CLCA1: variants seen among roughly 807,000 people sequenced by gnomAD.
CLCA1 encodes the protein chloride channel accessory 1.
In CLCA1, 59 loss-of-function variants were observed where a neutral mutation model predicts 85.6. The observed-to-expected ratio is 0.69, with a 90% confidence interval of 0.56 to 0.86. The LOEUF is 0.86. CLCA1 is among the 40% of genes least tolerant of loss of function. The probability of loss-of-function intolerance (pLI) is 0.00; values close to 1 mark genes in which losing one functional copy is unlikely to be tolerated. For synonymous variants in CLCA1, 396 were observed against 398.3 expected, an observed-to-expected ratio of 0.99 and a Z score of 0.07; for missense variants, 1,022 against 1,101.4, an observed-to-expected ratio of 0.93 and a Z score of 1.02.
rs1329528031 is a variant in CLCA1 at position 86,500,091 on chromosome 1, T to A, written c.*46T>A. 2 of 1,368,496 alleles carry A rather than the reference T, an allele frequency of 1.5e-6. No homozygotes were observed. Among genetic ancestry groups the A allele is most frequent in the Non-Finnish European group, 2.0e-6 (2 of 993,110 alleles). The allele number at this position is 1,368,496 out of a possible 1,614,324, so 84.8% of individuals were successfully genotyped here. On this transcript the variant is annotated 3_prime_UTR_variant, in exon 14 of 14. Coordinates refer to ENST00000394711, the MANE Select transcript of CLCA1 (RefSeq NM_001285.4). ...AATAAAATAAATCATTCATCCTTTT[T>A]TTTGATTATAAAATTTTCTAAAATG... is the stretch of plus-strand genomic sequence containing the variant.
Position 86,486,743 on chromosome 1 carries a change from C to A in CLCA1, c.1172C>A (p.Ser391Ter), listed in dbSNP as rs772377825. Residue 391 changes from serine (S) to a stop codon, truncating the protein, a stop_gained, in exon 7 of 14, where the codon TCG (serine) becomes TAG (stop). Coordinates refer to ENST00000394711, the MANE Select transcript of CLCA1 (RefSeq NM_001285.4). LOFTEE classifies it high-confidence loss of function. ...ACGTCCATCTGCAGCGGGCTTCGAT[C>A]GGCATTTACTGTGAGATGTGTTTTT... ...GGTSICSGLRSAFTVIRKKYP... is the reference protein window; with the variant it reads ...GGTSICSGLR The A allele has an allele frequency of 1.9e-6, 3 of 1,613,840 alleles. No individual in the cohort carries two copies. The highest frequency in any genetic ancestry group is 1.3e-5 in the African/African-American group (1 of 74,916).
chr1:86,479,809 C>T (rs1054795552), intron 4 of CLCA1, among the ~76,000 whole-genome samples: 3 of 151,982 alleles, frequency 2.0e-5, no homozygotes, highest in East Asian at 1.9e-4. Flanking sequence ...GGCATGAACC[C>T]GGGAGGCGGA....
intron 7 of CLCA1, 33 bp from the exon 8 acceptor site, chr1:86,488,963 T>G: frequency 6.3e-7 from 1 of 1,592,798 alleles, no homozygotes; most frequent in African/African-American, 1.3e-5. Context: ...CCACCCTAAG[T>G]CTGATAACTC....
intron 1 of CLCA1, among the ~76,000 whole-genome samples, chr1:86,469,788 TA>T (rs1647447662): frequency 6.6e-6 from 1 of 152,148 alleles, no homozygotes; most frequent in African/African-American, 2.4e-5. Flanking sequence ...AAATGCTTTA[TA>T]AAAGACCGCC....
At chr1:86,495,851 G>T (rs946485046) in intron 12 of CLCA1, among the ~76,000 whole-genome samples, 176 bp downstream of exon 12, 1 of 152,162 alleles carries the variant, frequency 6.6e-6, no homozygotes, top group South Asian at 2.1e-4. Context: ...GCACATTGTG[G>T]CATGTTTAGC....
In CLCA1 at chr1:86,469,205, C is replaced by T. The variant is rs1026767826; in HGVS notation, c.162+72C>T. The T allele has an allele frequency of 1.3e-5, 14 of 1,061,338 alleles. No homozygotes were observed. In the African/African-American group the frequency reaches 2.2e-4, roughly 17 times the overall value. 65.7% of individuals were successfully genotyped at this position (1,061,338 alleles called of 1,614,324 possible). A position where few individuals can be genotyped will look rare whatever the true frequency, so the allele number is the denominator to read the frequency against. ...TTGTGATAGAGAGAACATGAGTGCC[C>T]TATTCCAGCTGCACGACACTGGCAT... On this transcript the variant is annotated intron_variant, in intron 1 of 13. Coordinates refer to ENST00000394711, the MANE Select transcript of CLCA1 (RefSeq NM_001285.4).
At chr1:86,481,198 G>A (rs902963108) in intron 4 of CLCA1, among the ~76,000 whole-genome samples, 25 of 151,726 alleles carry the variant, frequency 1.6e-4, no homozygotes, top group Admixed American at 7.9e-4. Flanking sequence ...GTGCAGTGGC[G>A]CGATCTCAGC....
intron 9 of CLCA1, among the ~76,000 whole-genome samples, chr1:86,492,541 C>G (rs1469647902): frequency 6.6e-6 from 1 of 152,212 alleles, no homozygotes; most frequent in African/African-American, 2.4e-5. Context: ...TGTGATCTAC[C>G]TGTGAAACTA....
rs1413850888 is a variant in CLCA1, at chr1:86,499,703, C to A, written c.2403C>A (p.Asp801Glu). 1.2e-6 allele frequency: 2 copies of A among 1,602,762 alleles called. No homozygotes were observed. Among genetic ancestry groups the A allele is most frequent in the East Asian group, 2.2e-5 (1 of 44,826 alleles). ...RISTSILDLRDKFNESLQVNT... is the reference protein window; with the variant it reads ...RISTSILDLREKFNESLQVNT... ...GTACAAGTATTCTTGATCTCAGAGA[C>A]AAGTTCAATGAATCTCTTCAAGTGA... Residue 801 changes from aspartate to glutamate, a missense_variant, in exon 14 of 14, where the codon GAC becomes GAA. Transcript: ENST00000394711.
At chr1:86,489,598 A>G (rs1409606073) in intron 8 of CLCA1, among the ~76,000 whole-genome samples, 1 of 152,230 alleles carries the variant, frequency 6.6e-6, no homozygotes, top group Admixed American at 6.5e-5. Flanking sequence ...AGCATTCAAG[A>G]AACAGGAGAA....
At chr1:86,490,079 A>C (rs543353172) in intron 8 of CLCA1, among the ~76,000 whole-genome samples, 1 of 152,350 alleles carries the variant, frequency 6.6e-6, no homozygotes. Context: ...TGGAAAGTAC[A>C]TCACAGACTT....
chr1:86,494,277 A>T lies in CLCA1; in HGVS notation c.1771A>T (p.Ile591Phe), dbSNP rs1465931411. 2 of 1,614,074 alleles carry T rather than the reference A, an allele frequency of 1.2e-6. No homozygotes were observed. Among genetic ancestry groups the T allele is most frequent in the Non-Finnish European group, 1.7e-6 (2 of 1,180,034 alleles). The change falls in exon 11 of 14, where the codon ATT (isoleucine) becomes TTT (phenylalanine). Residue 591 changes from isoleucine (I) to phenylalanine (F), a missense_variant. Physicochemically the swap from Ile to Phe is conservative, Grantham distance 21. Coordinates refer to ENST00000394711, the MANE Select transcript of CLCA1 (RefSeq NM_001285.4). ...SRASNATLPPITVTSKTNKDT... is the reference protein window; with the variant it reads ...SRASNATLPPFTVTSKTNKDT... ...TGCGTCCAATGCTACCCTGCCTCCA[A>T]TTACAGTGACTTCCAAAACGAACAA...
chr1:86,481,652 G>A (rs779583369), intron 4 of CLCA1, among the ~76,000 whole-genome samples: 4 of 151,524 alleles, frequency 2.6e-5, no homozygotes, highest in Admixed American at 1.3e-4. Context: ...TTTCTATACC[G>A]GTCATGCATG....
Position 86,500,168 on chromosome 1 carries a change from A to AG in CLCA1, c.*123_*124insG. ...TATACTAAATGTATATAGTACATTTATACTAAATGTATTCCTGTAGGGGGC... is the reference window on the plus strand; with the variant it reads ...TATACTAAATGTATATAGTACATTTAGTACTAAATGTATTCCTGTAGGGGGC... On this transcript the variant is annotated 3_prime_UTR_variant, in exon 14 of 14. Coordinates refer to ENST00000394711, the MANE Select transcript of CLCA1 (RefSeq NM_001285.4). 1 of 623,284 alleles carries AG rather than the reference A, an allele frequency of 1.6e-6. No homozygotes were observed. Among genetic ancestry groups the AG allele is most frequent in the Non-Finnish European group, 2.8e-6 (1 of 355,870 alleles). 38.6% of individuals were successfully genotyped at this position (623,284 alleles called of 1,614,324 possible). A position where few individuals can be genotyped will look rare whatever the true frequency, so the allele number is the denominator to read the frequency against.
chr1:86,495,196 CAGTTTAATTT>C (rs1186044879), intron 11 of CLCA1, among the ~76,000 whole-genome samples: 6 of 152,086 alleles, frequency 3.9e-5, no homozygotes, highest in Admixed American at 6.5e-5. Context: ...TTGCATATAG[CAGTTTAATTT>C]AGTTCAACAG....
At chr1:86,469,197 T>C in intron 1 of CLCA1, 64 bp downstream of exon 1, 3 of 1,200,938 alleles carry the variant, frequency 2.5e-6, no homozygotes, top group Non-Finnish European at 3.5e-6. Flanking sequence ...AGAGAGAACA[T>C]GAGTGCCCTA....
At position 86,489,888 on chromosome 1, in the gene CLCA1, T is replaced by C. The variant is rs920202499; in HGVS notation, c.1357+718T>C. Among the ~76,000 whole-genome samples, 6 of 152,352 alleles carry C rather than the reference T, an allele frequency of 3.9e-5. No homozygotes were observed. The South Asian group carries it at 6.2e-4, about 16-fold the overall frequency. Reference sequence around the variant, plus strand: ...TGCCAGAGCTGTTTATTCCTAATACTACCTGTCCTAGGCTGGGTTTCTTAG... The same window carrying C: ...TGCCAGAGCTGTTTATTCCTAATACCACCTGTCCTAGGCTGGGTTTCTTAG... On this transcript the variant is annotated intron_variant, in intron 8 of 13. Coordinates refer to ENST00000394711, the MANE Select transcript of CLCA1 (RefSeq NM_001285.4).
chr1:86,474,111 C>T (rs1177985575), intron 3 of CLCA1, among the ~76,000 whole-genome samples: 2 of 151,980 alleles, frequency 1.3e-5, no homozygotes, highest in Non-Finnish European at 2.9e-5. Context: ...TTTGAATTCT[C>T]GTAAATTATT....
rs1170768037 is a variant in CLCA1, at chr1:86,473,753, ACTC to A, written c.333_335del (p.Pro112del). On this transcript the variant is annotated inframe_deletion, in exon 3 of 14. Coordinates refer to ENST00000394711, the MANE Select transcript of CLCA1 (RefSeq NM_001285.4). ...GGCTGATGTTCTGGTTGCTGAGTCTACTCCTCCAGGTAATGATGAACCCTACAC... is the reference window on the plus strand; with the variant it reads ...GGCTGATGTTCTGGTTGCTGAGTCTACTCCAGGTAATGATGAACCCTACAC... 4 of 1,587,904 alleles carry A rather than the reference ACTC, an allele frequency of 2.5e-6. No homozygotes were observed. The highest frequency in any genetic ancestry group is 1.1e-5 in the South Asian group (1 of 87,074).
Sources: gnomAD v4.1 joint callset for allele counts (sites outside exome capture counted in the v4.1 genomes callset) on GRCh38, gnomAD v4.1.1 for gene constraint, MANE v1.5 for transcripts, NCBI Gene and HGNC (gene_info 2026-07-23, HGNC 2026-07-21) for gene names.